The following FHIT variants were observed in gnomAD, a reference collection of about 807,000 sequenced individuals.
FHIT encodes bis(5'-adenosyl)-triphosphatase.
In FHIT, 19 loss-of-function variants were observed where a neutral mutation model predicts 17.9. The ratio of observed to expected loss-of-function variants is 1.06; its 90% CI spans 0.74 to 1.56. FHIT has a LOEUF of 1.56. FHIT is among the 40% of genes most tolerant of loss of function. FHIT has a pLI of 0.00. For synonymous variants in FHIT, 81 were observed against 69.7 expected, an observed-to-expected ratio of 1.16 and a Z score of -0.81; for missense variants, 248 against 189.2, an observed-to-expected ratio of 1.31 and a Z score of -1.82.
intron 5 of FHIT, among the ~76,000 whole-genome samples, chr3:60,084,810 T>C (rs1703429904): frequency 6.6e-6 from 1 of 152,200 alleles, no homozygotes; most frequent in African/African-American, 2.4e-5. Flanking sequence ...AACAAGGCAT[T>C]TGTAAGTCTT....
intron 4 of FHIT, among the ~76,000 whole-genome samples, chr3:60,709,618 T>C (rs563463940): frequency 6.6e-6 from 1 of 152,366 alleles, no homozygotes; most frequent in Admixed American, 6.5e-5. Flanking sequence ...TAGTGGTTCA[T>C]TGGATTATGC....
At chr3:59,824,326 T>C (rs796912517) in intron 8 of FHIT, among the ~76,000 whole-genome samples, 2 of 152,108 alleles carry the variant, frequency 1.3e-5, no homozygotes, top group African/African-American at 4.8e-5. Flanking sequence ...AGAAACTAAT[T>C]AGATGGTGAG....
intron 4 of FHIT, among the ~76,000 whole-genome samples, chr3:60,592,656 C>T (rs1012185008): frequency 5.9e-5 from 9 of 152,132 alleles, no homozygotes; most frequent in Non-Finnish European, 1.3e-4. Context: ...GAAGTTGCGC[C>T]CATCACTTCT....
At chr3:60,575,404 G>C (rs181013111) in intron 4 of FHIT, among the ~76,000 whole-genome samples, 1 of 152,238 alleles carries the variant, frequency 6.6e-6, no homozygotes, top group East Asian at 1.9e-4. Context: ...AAACATTAGA[G>C]ATGGGTACAC....
At chr3:61,075,139 T>C (rs1425642432) in intron 2 of FHIT, among the ~76,000 whole-genome samples, 4 of 152,070 alleles carry the variant, frequency 2.6e-5, no homozygotes, top group African/African-American at 7.2e-5. Flanking sequence ...AAACTCCTTT[T>C]GGGAAAAATA....
chr3:59,939,022 C>A lies in FHIT; in HGVS notation c.280-16608G>T, dbSNP rs191692875. ...AGATTTATGGGGCCCTGTCTGGTGG[C>A]TTTGAGGCACAAACGATGAATACTG... On this transcript the variant is annotated intron_variant, in intron 7 of 9. Transcript: ENST00000492590. Among the ~76,000 whole-genome samples, 72 of 152,226 alleles carry A rather than the reference C, an allele frequency of 4.7e-4. No homozygotes were observed. The East Asian group carries it at 5.4e-3, about 11-fold the overall frequency.
At chr3:61,097,372 T>C (rs2035675939) in intron 2 of FHIT, among the ~76,000 whole-genome samples, 1 of 152,202 alleles carries the variant, frequency 6.6e-6, no homozygotes, top group Non-Finnish European at 1.5e-5. Flanking sequence ...ATTGATTCCA[T>C]GTCTTTGCTA....
At chr3:60,612,823 T>C (rs1040570403) in intron 4 of FHIT, among the ~76,000 whole-genome samples, 1 of 152,192 alleles carries the variant, frequency 6.6e-6, no homozygotes, top group Non-Finnish European at 1.5e-5. Context: ...CAGACATTAT[T>C]AATCAATAAC....
intron 3 of FHIT, among the ~76,000 whole-genome samples, chr3:60,830,049 T>C (rs1553742078): frequency 5.3e-5 from 8 of 152,092 alleles, no homozygotes; most frequent in Non-Finnish European, 1.2e-4. Flanking sequence ...TTACCATACT[T>C]TTCCTGGGCA....
intron 4 of FHIT, among the ~76,000 whole-genome samples, chr3:60,793,089 G>T (rs1700843653): frequency 6.6e-6 from 1 of 152,146 alleles, no homozygotes; most frequent in Non-Finnish European, 1.5e-5. Context: ...GTGGAAGAAA[G>T]CCAGTTCTAG....
At position 60,173,915 on chromosome 3, in the gene FHIT, A is replaced by ATATTTTTTT; in HGVS notation, c.104-159764_104-159763insAAAAAAATA. Among the ~76,000 whole-genome samples the ATATTTTTTT allele has an allele frequency of 2.6e-4, 17 of 66,436 alleles. 1 individual carries two copies. Among genetic ancestry groups the ATATTTTTTT allele is most frequent in the Non-Finnish European group, 4.4e-4 (16 of 36,120 alleles). The allele number at this position is 66,436 out of a possible 152,430, so 43.6% of individuals were successfully genotyped here. On this transcript the variant is annotated intron_variant, in intron 5 of 9. Transcript: ENST00000492590. ...TATATATATATATATATATATATATATGTTTTTTTTTTTTTTTGAGATCGA... is the reference window on the plus strand; with the variant it reads ...TATATATATATATATATATATATATATATTTTTTTTGTTTTTTTTTTTTTTTGAGATCGA...
intron 3 of FHIT, among the ~76,000 whole-genome samples, chr3:60,999,254 G>A (rs1462046453): frequency 6.6e-6 from 1 of 152,036 alleles, no homozygotes; most frequent in Non-Finnish European, 1.5e-5. Context: ...AACAGCAACT[G>A]CAGAAGATAT....
chr3:60,570,580 C>G (rs780958780), intron 4 of FHIT, among the ~76,000 whole-genome samples: 6 of 152,018 alleles, frequency 3.9e-5, no homozygotes, highest in Non-Finnish European at 5.9e-5. Context: ...TTTGTGAAAT[C>G]TTTTCCCACT....
intron 7 of FHIT, among the ~76,000 whole-genome samples, chr3:59,927,744 G>C (rs950266764): frequency 6.6e-6 from 1 of 152,104 alleles, no homozygotes; most frequent in South Asian, 2.1e-4. Context: ...ACTCCAGCCT[G>C]GGTGACAGAG....
At chr3:60,096,376 G>C (rs1031715704) in intron 5 of FHIT, among the ~76,000 whole-genome samples, 3 of 152,170 alleles carry the variant, frequency 2.0e-5, no homozygotes, top group African/African-American at 7.2e-5. Context: ...CAGGCAGTAG[G>C]TAGTACTCGA....
At chr3:60,415,104 C>A (rs1156556038) in intron 5 of FHIT, among the ~76,000 whole-genome samples, 6 of 152,014 alleles carry the variant, frequency 3.9e-5, no homozygotes, top group East Asian at 1.9e-4. Flanking sequence ...AGATTAAGGA[C>A]CACAGTTTGA....
chr3:60,447,292 G>A (rs947794236), intron 5 of FHIT, among the ~76,000 whole-genome samples: 26 of 152,062 alleles, frequency 1.7e-4, no homozygotes, highest in African/African-American at 6.0e-4. Context: ...AAAAGCAGAA[G>A]TCCTCAGGTT....
intron 3 of FHIT, among the ~76,000 whole-genome samples, chr3:61,014,807 A>AAAAAAAAATATATAT (rs1553798839): frequency 8.1e-5 from 4 of 49,112 alleles, no homozygotes; most frequent in African/African-American, 2.2e-4. Flanking sequence ...AAAAAAAAAA[A>AAAAAAAAATATATAT]ATATATATAT....
At chr3:60,560,075 C>T (rs865844619) in intron 4 of FHIT, among the ~76,000 whole-genome samples, 1 of 151,866 alleles carries the variant, frequency 6.6e-6, no homozygotes, top group Admixed American at 6.6e-5. Context: ...ATGGTATGCT[C>T]TGATGGGGAA....
Sources: allele counts gnomAD v4.1 joint callset (sites outside exome capture counted in the v4.1 genomes callset), GRCh38; gene constraint gnomAD v4.1.1; transcripts MANE v1.5; gene names NCBI Gene and HGNC (gene_info 2026-07-23, HGNC 2026-07-21).